Variants in RTEL1 observed in about 807,000 individuals in gnomAD.
RTEL1 encodes the protein regulator of telomere elongation helicase 1.
RTEL1 carries 86 observed loss-of-function variants against 162.2 expected under a neutral mutation model. The observed-to-expected ratio is 0.53, with a 90% confidence interval of 0.45 to 0.63. The LOEUF (loss-of-function observed/expected upper bound fraction) is 0.63. Ranked by LOEUF, RTEL1 falls within the 30% of genes least tolerant of loss-of-function variation. The pLI, the probability that RTEL1 is intolerant of heterozygous loss-of-function variation, is 0.00. For synonymous variants in RTEL1, 958 were observed against 717.9 expected (o/e 1.33, Z -5.35); for missense variants, 1,941 against 1,750.2 (o/e 1.11, Z -1.95).
At chr20:63,667,591 C>G in intron 8 of RTEL1, 38 bp downstream of exon 8, 1 of 1,514,090 alleles carries the variant, frequency 6.6e-7, no homozygotes, top group Non-Finnish European at 9.2e-7. Flanking sequence ...CTCCTGATGT[C>G]CAGGGGTGTC....
Position 63,695,480 on chromosome 20 carries a change from G to C in RTEL1, c.3652G>C (p.Gly1218Arg). Residue 1218 changes from glycine to arginine, a missense_variant, in exon 34 of 35, where the codon GGT (glycine) becomes CGT (arginine). Coordinates refer to ENST00000360203, the MANE Select transcript of RTEL1 (RefSeq NM_001283009.2). ...CCACGGGCCTGCAGCATCTGAGTGG[G>C]GTGAGCCTCATGGGAGAGACATCGC... ...PPHGPAASEW[G>R]EPHGRDIAGQ... 3 of 1,607,520 alleles carry C rather than the reference G, an allele frequency of 1.9e-6. No individual in the cohort carries two copies. Among genetic ancestry groups the C allele is most frequent in the Non-Finnish European group, 2.5e-6 (3 of 1,177,120 alleles).
At chr20:63,687,563 G>T in intron 16 of RTEL1, 75 bp from the exon 17 acceptor site, 1 of 1,458,536 alleles carries the variant, frequency 6.9e-7, no homozygotes. Flanking sequence ...AGAGGGTGAT[G>T]GGCAGAGAGG....
intron 6 of RTEL1, among the ~76,000 whole-genome samples, chr20:63,663,439 T>G (rs970419266): frequency 2.0e-5 from 3 of 152,206 alleles, no homozygotes; most frequent in African/African-American, 7.2e-5. Flanking sequence ...TTGGGGCCTC[T>G]TCTGGAGACG....
At position 63,690,079 on chromosome 20, in the gene RTEL1, C is replaced by T. The variant is rs769261916; in HGVS notation, c.2142-8C>T. On this transcript the variant is annotated splice_polypyrimidine_tract_variant and splice_region_variant and intron_variant, in intron 24 of 34. Coordinates refer to ENST00000360203, the MANE Select transcript of RTEL1 (RefSeq NM_001283009.2). ...GGGCAGGGCAGCAGGGCTATGGCCA[C>T]CCCCCAGGTTCGCCTTTGCCGACGC... The T allele has an allele frequency of 2.5e-6, 4 of 1,609,172 alleles. No homozygotes were observed. The East Asian group carries it at 6.7e-5, about 27-fold the overall frequency.
rs187109459 is a variant in RTEL1, at chr20:63,665,741, C to T, written c.539-263C>T. 3.9e-5 allele frequency among the ~76,000 whole-genome samples: 6 copies of T among 152,320 alleles called. No individual in the cohort carries two copies. The East Asian group carries it at 5.8e-4, about 15-fold the overall frequency. ...TCTCGGAGAGGATGCGTAGAACCCTCGGGATCCTGCTGGCCTCCGTCTGGT... is the reference window on the plus strand; with the variant it reads ...TCTCGGAGAGGATGCGTAGAACCCTTGGGATCCTGCTGGCCTCCGTCTGGT... On this transcript the variant is annotated intron_variant, in intron 6 of 34. Coordinates refer to ENST00000360203, the MANE Select transcript of RTEL1 (RefSeq NM_001283009.2).
Position 63,690,923 on chromosome 20 carries a change from GGCGGGGAGCCCT to G in RTEL1, c.2534_2545del (p.Ala845_Pro848del). 1 of 1,562,412 alleles carries G rather than the reference GGCGGGGAGCCCT, an allele frequency of 6.4e-7. No homozygotes were observed. The highest frequency in any genetic ancestry group is 8.7e-7 in the Non-Finnish European group (1 of 1,154,058). The stretch of plus-strand genomic sequence containing the variant: ...CCGCCCTGGAGCACAGCGAACAGCG[GGCGGGGAGCCCT>G]GGCGAGGAGCAGGTACAGTTCCAGG... On this transcript the variant is annotated inframe_deletion, in exon 27 of 35. Transcript: ENST00000360203.
chr20:63,685,955 G>C, intron 16 of RTEL1, 83 bp downstream of exon 16: 5 of 1,347,772 alleles, frequency 3.7e-6, no homozygotes, highest in Non-Finnish European at 5.2e-6. Context: ...CACATGCCCA[G>C]CCGTGGATCT....
At chr20:63,694,567 G>A in intron 31 of RTEL1, 79 bp downstream of exon 31, 1 of 1,328,938 alleles carries the variant, frequency 7.5e-7, no homozygotes. Context: ...TCTTGAGTGT[G>A]GCCGGGGCTG....
rs913766971 is a variant in RTEL1 at position 63,689,491 on chromosome 20, G to A, written c.1879-11G>A. The A allele has an allele frequency of 2.5e-6, 4 of 1,573,896 alleles. No homozygotes were observed. Among genetic ancestry groups the A allele is most frequent in the South Asian group, 2.3e-5 (2 of 85,196 alleles). On this transcript the variant is annotated splice_polypyrimidine_tract_variant and intron_variant, in intron 22 of 34. Coordinates refer to ENST00000360203, the MANE Select transcript of RTEL1 (RefSeq NM_001283009.2). ...CCACGGCCCCAGGCAGCTCCCTGGT[G>A]TGTCCCCTAGGCCAGCGAGGGGCTG...
At chr20:63,694,061 C>T (rs1181120759) in intron 30 of RTEL1, among the ~76,000 whole-genome samples, 1 of 152,058 alleles carries the variant, frequency 6.6e-6, no homozygotes, top group Non-Finnish European at 1.5e-5. Flanking sequence ...CAGGGGGGAA[C>T]CTAGCCTGTT....
At chr20:63,694,304 G>GGCCCCC in intron 30 of RTEL1, 68 bp from the exon 31 acceptor site, 3 of 812,990 alleles carry the variant, frequency 3.7e-6, no homozygotes, top group Non-Finnish European at 6.3e-6. Flanking sequence ...AGCCAGCCCT[G>GGCCCCC]CCCCCCCACC....
At chr20:63,674,595 G>A (rs781152375) in intron 10 of RTEL1, among the ~76,000 whole-genome samples, 14 of 152,058 alleles carry the variant, frequency 9.2e-5, no homozygotes, top group East Asian at 1.9e-4. Flanking sequence ...AAGCTTTTCC[G>A]GAGGCCGAAG....
chr20:63,691,720 TTGTGAGC>T lies in RTEL1; in HGVS notation c.2557-17_2557-11del. 6.2e-7 allele frequency: 1 copy of T among 1,603,612 alleles called. No homozygotes were observed. The highest frequency in any genetic ancestry group is 8.5e-7 in the Non-Finnish European group (1 of 1,172,088). On this transcript the variant is annotated splice_polypyrimidine_tract_variant and intron_variant, in intron 27 of 34. Coordinates refer to ENST00000360203, the MANE Select transcript of RTEL1 (RefSeq NM_001283009.2). ...GTGTGTGGTTGGGGTCTGTGTGTGG[TTGTGAGC>T]TGTGTCCTCCTCAGGCCCACAGCTG...
In RTEL1 at chr20:63,688,831, C is replaced by T. The variant is rs1410732662; in HGVS notation, c.1801-224C>T. The T allele has an allele frequency of 7.9e-6, 5 of 636,494 alleles. No homozygotes were observed. In the African/African-American group the frequency reaches 9.2e-5, roughly 12 times the overall value. 39.4% of individuals were successfully genotyped at this position (636,494 alleles called of 1,614,324 possible). ...CAGTGGCCCTCCTGTCTGAGTAGCC[C>T]TAGTCGGCCACCCTGGCCCTGGGGT... On this transcript the variant is annotated intron_variant, in intron 21 of 34. Coordinates refer to ENST00000360203, the MANE Select transcript of RTEL1 (RefSeq NM_001283009.2).
In RTEL1 at chr20:63,694,785, G is replaced by A. The variant is rs1266676069; in HGVS notation, c.3154G>A (p.Ala1052Thr). 2 of 1,611,844 alleles carry A rather than the reference G, an allele frequency of 1.2e-6. No individual in the cohort carries two copies. Among genetic ancestry groups the A allele is most frequent in the Admixed American group, 1.7e-5 (1 of 59,966 alleles). ...QPQWGSGVPR[A>T]GKQGQHAVSA... The stretch of plus-strand genomic sequence containing the variant: ...ACAGTGGGGGTCTGGAGTGCCCAGA[G>A]CAGGGAAGCAGGGCCAGCACGCCGT... The change falls in exon 32 of 35, where the codon GCA becomes ACA. Residue 1052 changes from alanine (A) to threonine (T), a missense_variant. Physicochemically the swap from Ala to Thr is moderately conservative, Grantham distance 58 (BLOSUM62 0). Transcript: ENST00000360203.
intron 12 of RTEL1, among the ~76,000 whole-genome samples, chr20:63,679,113 G>C (rs916881838): frequency 6.6e-6 from 1 of 152,172 alleles, no homozygotes; most frequent in South Asian, 2.1e-4. Flanking sequence ...TGAACGCTCC[G>C]TGGGGCTCCA....
At position 63,661,695 on chromosome 20, in the gene RTEL1, C is replaced by A. The variant is rs1176923154; in HGVS notation, c.302-155C>A. 1.2e-6 allele frequency: 1 copy of A among 854,292 alleles called. No individual in the cohort carries two copies. The highest frequency in any genetic ancestry group is 2.6e-5 in the East Asian group (1 of 37,804). The allele number at this position is 854,292 out of a possible 1,614,324, so 52.9% of individuals were successfully genotyped here. On this transcript the variant is annotated intron_variant, in intron 3 of 34. Coordinates refer to ENST00000360203, the MANE Select transcript of RTEL1 (RefSeq NM_001283009.2). The surrounding 1 kb of genome is among the most constrained non-coding windows in gnomAD (Gnocchi z 5.1). ...GCTTTTTTGCTGAATTAGGGCACGG[C>A]AGATGCCCACTTCACCCATTTTTGA...
In RTEL1 at chr20:63,693,246, C is replaced by T; in HGVS notation, c.2955C>T (p.Pro985=). 1 of 1,611,968 alleles carries T rather than the reference C, an allele frequency of 6.2e-7. No homozygotes were observed. The highest frequency in any genetic ancestry group is 8.5e-7 in the Non-Finnish European group (1 of 1,179,452). ...GCTATCGGCCTGAGCACAGCATTCCCCGAAGGCAGCGGGCACAGCCGGTCC... is the reference window on the plus strand; with the variant it reads ...GCTATCGGCCTGAGCACAGCATTCCTCGAAGGCAGCGGGCACAGCCGGTCC... ...GCGYRPEHSI[P]RRQRAQPVLD... is the part of the protein sequence containing the mutation. Residue 985 remains proline (P), a synonymous_variant, in exon 30 of 35, where the codon CCC becomes CCT. Coordinates refer to ENST00000360203, the MANE Select transcript of RTEL1 (RefSeq NM_001283009.2).
chr20:63,674,172 T>TC, intron 10 of RTEL1, 79 bp downstream of exon 10: 1 of 1,526,254 alleles, frequency 6.6e-7, no homozygotes, highest in South Asian at 1.3e-5. Context: ...CAGCACGGAC[T>TC]CCCCCAGCCC....
Sources: gnomAD v4.1 joint callset for allele counts (sites outside exome capture counted in the v4.1 genomes callset) on GRCh38, gnomAD v4.1.1 for gene constraint, Gnocchi (gnomAD v3.1) non-coding constraint, MANE v1.5 for transcripts, NCBI Gene and HGNC (gene_info 2026-07-23, HGNC 2026-07-21) for gene names.